The following MTA3 variants were observed in gnomAD, a reference collection of about 807,000 sequenced individuals.
MTA3 encodes the protein metastasis associated 1 family member 3, also known as metastasis-associated protein MTA3.
In MTA3, 34 loss-of-function variants were observed where a neutral mutation model predicts 83.5. The ratio of observed to expected loss-of-function variants is 0.41; its 90% CI spans 0.31 to 0.54. MTA3 has a LOEUF of 0.54. Among genes scored for constraint, MTA3 ranks in the 20% least tolerant of loss-of-function variants. MTA3 has a pLI of 0.33. For synonymous variants in MTA3, 303 were observed against 252.7 expected (o/e 1.20, Z -1.89); for missense variants, 761 against 726.4 (o/e 1.05, Z -0.55).
Position 42,755,516 on chromosome 2 carries a change from G to C in MTA3, c.*2117G>C. 1 of 985,446 alleles carries C rather than the reference G, an allele frequency of 1.0e-6. No individual in the cohort carries two copies. Among genetic ancestry groups the C allele is most frequent in the Non-Finnish European group, 1.2e-6 (1 of 829,946 alleles). The allele number at this position is 985,446 out of a possible 1,614,324, so 61.0% of individuals were successfully genotyped here. ...GCCAAGCAGGCTTTTCCTTCCTCTT[G>C]TAAGTAAAGCTCGTGGTTCTGTAGT... is the stretch of plus-strand genomic sequence containing the variant. On this transcript the variant is annotated 3_prime_UTR_variant, in exon 17 of 17. Coordinates refer to ENST00000405094, the MANE Select transcript of MTA3 (RefSeq NM_001330442.2).
chr2:42,681,293 T>C (rs1352317171), intron 8 of MTA3, among the ~76,000 whole-genome samples: 2 of 152,178 alleles, frequency 1.3e-5, no homozygotes, highest in South Asian at 4.1e-4. Flanking sequence ...TGTAATTTTG[T>C]TTTGTTTTGC....
intron 6 of MTA3, among the ~76,000 whole-genome samples, chr2:42,644,865 C>A (rs981751369): frequency 1.7e-4 from 26 of 152,134 alleles, no homozygotes; most frequent in African/African-American, 6.0e-4. Context: ...CTGACTGTCC[C>A]TTCCCTGCCT....
chr2:42,612,269 T>C (rs979215341), intron 4 of MTA3, among the ~76,000 whole-genome samples: 7 of 152,012 alleles, frequency 4.6e-5, no homozygotes, highest in Admixed American at 2.0e-4. Context: ...GGCTGGAAAG[T>C]AGTGGCATGA....
intron 4 of MTA3, among the ~76,000 whole-genome samples, chr2:42,636,799 G>A (rs536396618): frequency 6.6e-6 from 1 of 151,832 alleles, no homozygotes; most frequent in Non-Finnish European, 1.5e-5. Context: ...GCTAATTTTT[G>A]TGTTTTTAGT....
intron 2 of MTA3, among the ~76,000 whole-genome samples, chr2:42,519,885 G>T (rs1372328118): frequency 6.6e-6 from 1 of 151,978 alleles, no homozygotes. Context: ...CCTGTCTCAC[G>T]TAAACAATTT....
chr2:42,656,152 A>G, intron 6 of MTA3, 48 bp from the exon 7 acceptor site: 1 of 1,368,456 alleles, frequency 7.3e-7, no homozygotes, highest in Non-Finnish European at 1.0e-6. Context: ...GGTATGAGAC[A>G]GTATGCCTTG....
chr2:42,543,322 T>A (rs573131405), intron 2 of MTA3, among the ~76,000 whole-genome samples: 3 of 151,974 alleles, frequency 2.0e-5, no homozygotes, highest in East Asian at 1.9e-4. Flanking sequence ...GGATTACAGG[T>A]GCACACCACC....
chr2:42,548,846 A>ATATATATAAT lies in MTA3; in HGVS notation c.-140-21591_-140-21590insTATATATAAT, dbSNP rs1553340715. On this transcript the variant is annotated intron_variant, in intron 2 of 17. Transcript: ENST00000405592. ...ATATATATAATATATATATATATAT[A>ATATATATAAT]ATATATATATATAATATATATATAT... Among the ~76,000 whole-genome samples, 81 of 15,034 alleles carry ATATATATAAT rather than the reference A, an allele frequency of 5.4e-3. 2 individuals carry two copies. Among genetic ancestry groups the ATATATATAAT allele is most frequent in the Middle Eastern group, 0.045 (1 of 22 alleles). The allele number at this position is 15,034 out of a possible 152,430, so 9.9% of individuals were successfully genotyped here.
chr2:42,675,433 C>A (rs1423088150), intron 8 of MTA3, among the ~76,000 whole-genome samples: 1 of 152,202 alleles, frequency 6.6e-6, no homozygotes, highest in African/African-American at 2.4e-5. Context: ...CCGCACCCAG[C>A]CTCAAAATTC....
chr2:42,527,211 C>G (rs2103710525), intron 2 of MTA3, among the ~76,000 whole-genome samples: 1 of 152,238 alleles, frequency 6.6e-6, no homozygotes. Flanking sequence ...ACCAACCAAT[C>G]AGGCCTCAGC....
rs547344375 is a variant in MTA3 at position 42,497,917 on chromosome 2, CAT to C, written c.-141+2664_-141+2665del. On this transcript the variant is annotated intron_variant, in intron 2 of 17. Transcript: ENST00000405592. ...GGATAAGTGAATTGATTTGTCTAAA[CAT>C]GTGACCAACAACAGAGTAACCTGAA... Among the ~76,000 whole-genome samples, 23 of 152,280 alleles carry C rather than the reference CAT, an allele frequency of 1.5e-4. No individual in the cohort carries two copies. The East Asian group carries it at 3.1e-3, about 20-fold the overall frequency.
chr2:42,565,389 G>A (rs1437770422), upstream of MTA3, among the ~76,000 whole-genome samples: 1 of 144,558 alleles, frequency 6.9e-6, no homozygotes, highest in Non-Finnish European at 1.5e-5. Flanking sequence ...GTCTTGCCAT[G>A]TTGCCTAGGC....
intron 2 of MTA3, among the ~76,000 whole-genome samples, chr2:42,559,819 G>C (rs1443489880): frequency 6.7e-6 from 1 of 148,434 alleles, no homozygotes; most frequent in Non-Finnish European, 1.5e-5. Context: ...GGGCGGGCAG[G>C]GGGGTGCGGT....
intron 3 of MTA3, among the ~76,000 whole-genome samples, chr2:42,595,699 A>G (rs1040356613): frequency 6.6e-6 from 1 of 152,076 alleles, no homozygotes; most frequent in Non-Finnish European, 1.5e-5. Context: ...AGTAAACGGT[A>G]TTTGGGTATA....
rs1230242718 is a variant in MTA3 at position 42,754,684 on chromosome 2, T to G, written c.*1285T>G. 1 of 985,420 alleles carries G rather than the reference T, an allele frequency of 1.0e-6. No individual in the cohort carries two copies. Among genetic ancestry groups the G allele is most frequent in the Non-Finnish European group, 1.2e-6 (1 of 829,964 alleles). 61.0% of individuals were successfully genotyped at this position (985,420 alleles called of 1,614,324 possible). A position where few individuals can be genotyped will look rare whatever the true frequency, so the allele number is the denominator to read the frequency against. On this transcript the variant is annotated 3_prime_UTR_variant, in exon 17 of 17. Transcript: ENST00000405094. ...CAACTGGAGTCTGATCTCCCAGCCA[T>G]CTCTGGGGTTACTAGGAGGCAGCTG...
At chr2:42,670,505 A>T (rs1690696618) in intron 8 of MTA3, among the ~76,000 whole-genome samples, 1 of 152,180 alleles carries the variant, frequency 6.6e-6, no homozygotes, top group Admixed American at 6.5e-5. Context: ...GATTGGCTTT[A>T]TAGACAGGAA....
chr2:42,637,309 C>T (rs1371675227), intron 4 of MTA3, among the ~76,000 whole-genome samples: 1 of 152,166 alleles, frequency 6.6e-6, no homozygotes. Context: ...CACTTCATAT[C>T]ATGCTTGGGC....
rs116451930 is a variant in MTA3, at chr2:42,591,471, T to C, written c.190+12271T>C. On this transcript the variant is annotated intron_variant, in intron 3 of 16. Coordinates refer to ENST00000405094, the MANE Select transcript of MTA3 (RefSeq NM_001330442.2). ...AATTTATGGAAACGTTTTCCTTCAATAATGAATTAACCCAATTTATTATAA... is the reference window on the plus strand; with the variant it reads ...AATTTATGGAAACGTTTTCCTTCAACAATGAATTAACCCAATTTATTATAA... 1.6e-3 allele frequency among the ~76,000 whole-genome samples: 240 copies of C among 152,298 alleles called. 1 individual carries two copies. Among genetic ancestry groups the C allele is most frequent in the South Asian group, 2.5e-3 (12 of 4,824 alleles).
chr2:42,617,798 C>T (rs1430676355), intron 4 of MTA3, among the ~76,000 whole-genome samples: 4 of 150,656 alleles, frequency 2.7e-5, no homozygotes, highest in East Asian at 3.9e-4. Context: ...AAAAAAAATG[C>T]GTAAAATAAA....
Sources: gnomAD v4.1 joint callset for allele counts (sites outside exome capture counted in the v4.1 genomes callset) on GRCh38, gnomAD v4.1.1 for gene constraint, MANE v1.5 for transcripts, NCBI Gene and HGNC (gene_info 2026-07-23, HGNC 2026-07-21) for gene names.